COL23A1: variants seen among roughly 807,000 people sequenced by gnomAD.
COL23A1 encodes the protein collagen alpha-1(XXIII) chain.
A neutral mutation model predicts 99.3 loss-of-function variants in COL23A1; 97 were observed. The ratio of observed to expected loss-of-function variants is 0.98; its 90% CI spans 0.83 to 1.16. COL23A1 has a LOEUF of 1.16. Among genes scored for constraint, COL23A1 ranks in the 50% most tolerant of loss-of-function variants. The probability of loss-of-function intolerance (pLI) is 0.00; values close to 1 mark genes in which losing one functional copy is unlikely to be tolerated. For missense variants in COL23A1, 762 were observed against 757.4 expected, an observed-to-expected ratio of 1.01 and a Z score of -0.07; for synonymous variants, 320 against 308.2, an observed-to-expected ratio of 1.04 and a Z score of -0.40.
intron 2 of COL23A1, among the ~76,000 whole-genome samples, chr5:178,501,067 C>A (rs1338399128): frequency 6.6e-6 from 1 of 152,108 alleles, no homozygotes; most frequent in Admixed American, 6.6e-5. Flanking sequence ...CCCTGTTTCT[C>A]CCACTATGCA....
chr5:178,557,168 C>G (rs955190185), intron 2 of COL23A1, among the ~76,000 whole-genome samples: 3 of 152,096 alleles, frequency 2.0e-5, no homozygotes, highest in African/African-American at 7.2e-5. Context: ...ACACGCAGCA[C>G]GCCAATCCCC....
At chr5:178,533,982 C>T (rs1760795839) in intron 2 of COL23A1, among the ~76,000 whole-genome samples, 1 of 152,216 alleles carries the variant, frequency 6.6e-6, no homozygotes, top group Non-Finnish European at 1.5e-5. Flanking sequence ...TCAGCAAACT[C>T]TCTCTCTCCT....
At chr5:178,383,060 G>A (rs1364335151) in intron 2 of COL23A1, among the ~76,000 whole-genome samples, 1 of 152,134 alleles carries the variant, frequency 6.6e-6, no homozygotes, top group Non-Finnish European at 1.5e-5. Flanking sequence ...ATCAGGGCTG[G>A]GGGCTGCTGG....
chr5:178,523,193 T>TACATATATATATATATACAC (rs1562051752), intron 2 of COL23A1, among the ~76,000 whole-genome samples: 2 of 79,996 alleles, frequency 2.5e-5, no homozygotes, highest in African/African-American at 7.9e-5. Context: ...TATATATATA[T>TACATATATATATATATACAC]ATATATATAG....
At chr5:178,358,203 G>T (rs903981572) in intron 2 of COL23A1, among the ~76,000 whole-genome samples, 1 of 143,026 alleles carries the variant, frequency 7.0e-6, no homozygotes, top group South Asian at 2.2e-4. Flanking sequence ...GTGTGCATGT[G>T]TACGTGTGTA....
intron 8 of COL23A1, among the ~76,000 whole-genome samples, chr5:178,263,899 C>T (rs1190243579): frequency 6.6e-6 from 1 of 152,186 alleles, no homozygotes; most frequent in African/African-American, 2.4e-5. Context: ...GGGCACGACA[C>T]ATGCAACACC....
chr5:178,267,600 G>A (rs1457647438), intron 7 of COL23A1, among the ~76,000 whole-genome samples: 3 of 152,122 alleles, frequency 2.0e-5, no homozygotes, highest in Non-Finnish European at 4.4e-5. Flanking sequence ...CCAGCCATTC[G>A]AGGCCCCAGA....
At chr5:178,335,374 G>C (rs1760259925) in intron 2 of COL23A1, among the ~76,000 whole-genome samples, 1 of 152,198 alleles carries the variant, frequency 6.6e-6, no homozygotes, top group African/African-American at 2.4e-5. Flanking sequence ...GGAATTTCAA[G>C]AGGCATAATT....
Position 178,366,410 on chromosome 5 carries a change from T to C in COL23A1, c.362-59491A>G, listed in dbSNP as rs71611428. Among the ~76,000 whole-genome samples the C allele has an allele frequency of 0.066, 10,074 of 152,216 alleles. 555 individuals are homozygous for C. Among genetic ancestry groups the C allele is most frequent in the African/African-American group, 0.15 (6,111 of 41,498 alleles). On this transcript the variant is annotated intron_variant, in intron 2 of 28. Coordinates refer to ENST00000390654, the MANE Select transcript of COL23A1 (RefSeq NM_173465.4). This position sits in a 1 kb window ranked among gnomAD's most constrained non-coding sequence, Gnocchi z 4.4. ...GGTCGCTGGGGTCTGTCTTCCCAGC[T>C]CCCATCCGCCCTTCCCTGCATCCTC...
At chr5:178,556,912 C>T (rs1422654216) in intron 2 of COL23A1, among the ~76,000 whole-genome samples, 5 of 152,094 alleles carry the variant, frequency 3.3e-5, no homozygotes, top group Non-Finnish European at 7.4e-5. Context: ...GAGATCGCGC[C>T]ATTGCACTCC....
chr5:178,281,505 C>T lies in COL23A1; in HGVS notation c.441+6819G>A, dbSNP rs1189188845. Among the ~76,000 whole-genome samples the T allele has an allele frequency of 5.3e-5, 8 of 152,108 alleles. No individual in the cohort carries two copies. Among genetic ancestry groups the T allele is most frequent in the Non-Finnish European group, 7.4e-5 (5 of 68,022 alleles). On this transcript the variant is annotated intron_variant, in intron 5 of 28. Coordinates refer to ENST00000390654, the MANE Select transcript of COL23A1 (RefSeq NM_173465.4). The surrounding 1 kb of genome is among the most constrained non-coding windows in gnomAD (Gnocchi z 4.0). ...AGATGAAGTGCAGTCACCGCTCCCT[C>T]GACTCCAGAGGGGCTTGGGCACGGC...
rs1328317771 is a variant in COL23A1, at chr5:178,589,890, G to A, written c.294+14C>T. 1.1e-5 allele frequency: 14 copies of A among 1,303,756 alleles called. No individual in the cohort carries two copies. Among genetic ancestry groups the A allele is most frequent in the South Asian group, 2.2e-5 (1 of 44,546 alleles). 80.8% of individuals were successfully genotyped at this position (1,303,756 alleles called of 1,614,324 possible). ...ACACCCAAGTCCGCCCCAGCCACGC[G>A]CCAAGACGCTCACCTCCCGCAGCAG... On this transcript the variant is annotated intron_variant, in intron 1 of 28. Coordinates refer to ENST00000390654, the MANE Select transcript of COL23A1 (RefSeq NM_173465.4). This position sits in a 1 kb window ranked among gnomAD's most constrained non-coding sequence, Gnocchi z 5.4.
At chr5:178,537,317 C>A (rs970934177) in intron 2 of COL23A1, among the ~76,000 whole-genome samples, 1 of 152,184 alleles carries the variant, frequency 6.6e-6, no homozygotes, top group Non-Finnish European at 1.5e-5. Flanking sequence ...GGCCCGGGGT[C>A]GTATTCAGAT....
intron 2 of COL23A1, among the ~76,000 whole-genome samples, chr5:178,491,991 C>A (rs593536): frequency 2.0e-5 from 3 of 151,894 alleles, no homozygotes; most frequent in Non-Finnish European, 4.4e-5. Context: ...TGCCTCGGCC[C>A]CCCAAAGTAC....
At chr5:178,239,279 A>G (rs1764267364) in intron 27 of COL23A1, 100 bp from the exon 28 acceptor site, 4 of 1,386,586 alleles carry the variant, frequency 2.9e-6, no homozygotes, top group Non-Finnish European at 4.1e-6. Flanking sequence ...CAGGCCAGGG[A>G]GCGGCCATGT....
rs1756821715 is a variant in COL23A1 at position 178,280,200 on chromosome 5, T to C, written c.441+8124A>G. Among the ~76,000 whole-genome samples the C allele has an allele frequency of 6.6e-6, 1 of 152,252 alleles. No homozygotes were observed. The highest frequency in any genetic ancestry group is 1.5e-5 in the Non-Finnish European group (1 of 68,046). ...GCCCTGGCGGACTCTTGCGCTGGACTCCCGCCCTCGGGCCACAGCCTGGGC... is the reference window on the plus strand; with the variant it reads ...GCCCTGGCGGACTCTTGCGCTGGACCCCCGCCCTCGGGCCACAGCCTGGGC... On this transcript the variant is annotated intron_variant, in intron 5 of 28. Coordinates refer to ENST00000390654, the MANE Select transcript of COL23A1 (RefSeq NM_173465.4). The surrounding 1 kb of genome is among the most constrained non-coding windows in gnomAD (Gnocchi z 4.9).
At chr5:178,337,016 C>T (rs536620860) in intron 2 of COL23A1, among the ~76,000 whole-genome samples, 10 of 152,322 alleles carry the variant, frequency 6.6e-5, no homozygotes, top group East Asian at 1.9e-4. Context: ...CTGCTCAGAG[C>T]GGCGGAAACA....
At chr5:178,289,100 T>G (rs1268150893) in intron 4 of COL23A1, among the ~76,000 whole-genome samples, 2 of 151,728 alleles carry the variant, frequency 1.3e-5, no homozygotes, top group Non-Finnish European at 2.9e-5. Flanking sequence ...AGCCAATAAA[T>G]CAACACAATC....
Position 178,252,547 on chromosome 5 carries a change from G to C in COL23A1, c.1011C>G (p.Ala337=). ...ACATAGCTGCATCTGCACTGACCTT[G>C]GCTCCAGGGATCCCTGGTGGCCCTG... The part of the protein sequence containing the change: ...GPPGPPGIPG[A]KGELGLPGAP... Residue 337 remains alanine, a synonymous_variant, in exon 17 of 29, where the codon GCC becomes GCG. Coordinates refer to ENST00000390654, the MANE Select transcript of COL23A1 (RefSeq NM_173465.4). 1 of 1,611,738 alleles carries C rather than the reference G, an allele frequency of 6.2e-7. No homozygotes were observed. The highest frequency in any genetic ancestry group is 1.1e-5 in the South Asian group (1 of 90,360).
Sources: gnomAD v4.1 joint callset for allele counts (sites outside exome capture counted in the v4.1 genomes callset) on GRCh38, gnomAD v4.1.1 for gene constraint, Gnocchi (gnomAD v3.1) non-coding constraint, MANE v1.5 for transcripts, NCBI Gene and HGNC (gene_info 2026-07-23, HGNC 2026-07-21) for gene names.